The following PDZK1 variants were observed in gnomAD, a reference collection of about 807,000 sequenced individuals.
PDZK1 encodes the protein PDZ domain containing 1, also known as Na(+)/H(+) exchange regulatory cofactor NHE-RF3.
Under a neutral mutation model 38.1 loss-of-function variants are expected in PDZK1, and 23 were observed. The ratio of observed to expected loss-of-function variants is 0.60; its 90% CI spans 0.43 to 0.85. The LOEUF (loss-of-function observed/expected upper bound fraction) is 0.85. Among genes scored for constraint, PDZK1 ranks in the 40% least tolerant of loss-of-function variants. The pLI, the probability that PDZK1 is intolerant of heterozygous loss-of-function variation, is 0.00. For missense variants in PDZK1, 297 were observed against 504.3 expected (o/e 0.59, Z 3.94); for synonymous variants, 98 against 186.2 (o/e 0.53, Z 3.86).
chr1:145,687,101 A>C (rs1201420758), intron 2 of PDZK1, among the ~76,000 whole-genome samples: 2 of 151,798 alleles, frequency 1.3e-5, no homozygotes, highest in African/African-American at 2.4e-5. Flanking sequence ...GTAAGGCCAG[A>C]CTCTCCCATA....
At chr1:145,691,441 G>A (rs1305697025) in intron 1 of PDZK1, among the ~76,000 whole-genome samples, 2 of 152,112 alleles carry the variant, frequency 1.3e-5, no homozygotes, top group Non-Finnish European at 2.9e-5. Flanking sequence ...CTGGAACACA[G>A]GGCCTAATTA....
chr1:145,676,976 C>G (rs1364034516), intron 6 of PDZK1, among the ~76,000 whole-genome samples: 1 of 152,060 alleles, frequency 6.6e-6, no homozygotes, highest in African/African-American at 2.4e-5. Flanking sequence ...CCAATTCAAC[C>G]CTCATAGCCA....
At chr1:145,682,727 G>A (rs1344858349) in intron 3 of PDZK1, 91 bp from the exon 4 acceptor site, 3 of 1,377,362 alleles carry the variant, frequency 2.2e-6, no homozygotes, top group Middle Eastern at 2.5e-4. Context: ...ATTAGCCCCA[G>A]TCCTGTGATT....
chr1:145,686,491 A>C lies in PDZK1; in HGVS notation c.446T>G (p.Leu149Arg), dbSNP rs1553701737. ...VKEGGSYGFS[L>R]KTVQGKKGVY... The stretch of plus-strand genomic sequence containing the variant: ...AAAATTCTCACCTTGGACAGTTTTC[A>C]GAGAGAAGCCATAGCTGCCTCCTTC... Residue 149 changes from leucine (L) to arginine (R), a missense_variant, in exon 3 of 9, where the codon CTG becomes CGG. Around this residue, in one of 5 missense-constraint regions of PDZK1, gnomAD observed 159 missense variants for 200.0 expected, o/e 0.79. Transcript: ENST00000417171. The C allele has an allele frequency of 1.2e-6, 2 of 1,612,040 alleles. No homozygotes were observed. Among genetic ancestry groups the C allele is most frequent in the Non-Finnish European group, 1.7e-6 (2 of 1,179,850 alleles).
chr1:145,677,505 T>C (rs1298202758), intron 6 of PDZK1, among the ~76,000 whole-genome samples: 1 of 150,782 alleles, frequency 6.6e-6, no homozygotes, highest in African/African-American at 2.5e-5. Context: ...CTAGGTATGA[T>C]TGTTCAAGTA....
chr1:145,685,361 C>A (rs1553701419), intron 3 of PDZK1, among the ~76,000 whole-genome samples: 1 of 152,218 alleles, frequency 6.6e-6, no homozygotes, highest in Admixed American at 6.5e-5. Flanking sequence ...ATATATTTGT[C>A]ATGAAGAGAC....
At chr1:145,673,998 G>GGCTGTACAGCCT in intron 6 of PDZK1, 117 bp from the exon 7 acceptor site, 1 of 953,452 alleles carries the variant, frequency 1.0e-6, no homozygotes, top group Non-Finnish European at 1.5e-6. Flanking sequence ...TTCTGGATGT[G>GGCTGTACAGCCT]TCTGATTGTA....
Position 145,671,664 on chromosome 1 carries a change from T to A in PDZK1, c.1507-175A>T, listed in dbSNP as rs1653061823. The A allele has an allele frequency of 5.4e-6, 3 of 555,398 alleles. No homozygotes were observed. In the South Asian group the frequency reaches 6.3e-5, roughly 12 times the overall value. 34.4% of individuals were successfully genotyped at this position (555,398 alleles called of 1,614,324 possible). A position where few individuals can be genotyped will look rare whatever the true frequency, so the allele number is the denominator to read the frequency against. ...GCTGATAAATCAAGTAAAAAGTTTA[T>A]CAGTATTGTAATGGGAACCCCCAGA... On this transcript the variant is annotated intron_variant, in intron 8 of 8. Transcript: ENST00000417171.
chr1:145,673,250 T>G (rs1464844163), intron 7 of PDZK1, among the ~76,000 whole-genome samples: 1 of 152,226 alleles, frequency 6.6e-6, no homozygotes, highest in Admixed American at 6.5e-5. Flanking sequence ...CAGCATCATA[T>G]GTCTTCTGGG....
At chr1:145,675,256 A>G (rs1342314835) in intron 6 of PDZK1, among the ~76,000 whole-genome samples, 3 of 147,280 alleles carry the variant, frequency 2.0e-5, no homozygotes, top group East Asian at 3.9e-4. Context: ...AGTTGAGACA[A>G]TTAGAAGGGT....
chr1:145,701,563 G>C (rs587746595), intron 1 of PDZK1, among the ~76,000 whole-genome samples: 3 of 152,254 alleles, frequency 2.0e-5, no homozygotes, highest in Admixed American at 6.5e-5. Context: ...CTAGACTTTT[G>C]TTAGGAAAAT....
chr1:145,701,073 C>T (rs1276103774), intron 1 of PDZK1, among the ~76,000 whole-genome samples: 3 of 151,860 alleles, frequency 2.0e-5, no homozygotes, highest in Admixed American at 6.6e-5. Context: ...GGTGTGGTGG[C>T]ACACGCCTGT....
At chr1:145,699,496 G>A (rs1358833014) in intron 1 of PDZK1, among the ~76,000 whole-genome samples, 1 of 152,126 alleles carries the variant, frequency 6.6e-6, no homozygotes, top group Non-Finnish European at 1.5e-5. Flanking sequence ...CAGACTGTGG[G>A]GCCAACATGA....
chr1:145,688,042 A>G lies in PDZK1; in HGVS notation c.-2-19T>C. On this transcript the variant is annotated intron_variant, in intron 1 of 8. Transcript: ENST00000417171. ...GTCATTTCTGTGATGAAAAAAATAA[A>G]TTAATAAAACCATGGAAAAGAGAAT... The G allele has an allele frequency of 1.3e-6, 2 of 1,590,864 alleles. No individual in the cohort carries two copies. Among genetic ancestry groups the G allele is most frequent in the Non-Finnish European group, 1.7e-6 (2 of 1,159,152 alleles).
At chr1:145,683,781 A>G (rs1396441518) in intron 3 of PDZK1, among the ~76,000 whole-genome samples, 1 of 152,022 alleles carries the variant, frequency 6.6e-6, no homozygotes, top group African/African-American at 2.4e-5. Context: ...CAACCTCAGC[A>G]TACAGTATTT....
chr1:145,696,248 C>T (rs978880813), intron 1 of PDZK1, among the ~76,000 whole-genome samples: 7 of 152,184 alleles, frequency 4.6e-5, no homozygotes, highest in African/African-American at 1.4e-4. Flanking sequence ...CCTGCTTCTC[C>T]GCAAGGGCCA....
In PDZK1 at chr1:145,671,439, C is replaced by T. The variant is rs1265781632; in HGVS notation, c.1557G>A (p.Met519Ile). Residue 519 changes from methionine (M) to isoleucine (I), a missense_variant, in exon 9 of 9, where the codon ATG becomes ATA. Transcript: ENST00000417171. ...HSSSNSEDTE[M>I] is the part of the protein sequence containing the mutation. ...CCAAAGCTATTACTTGTTTTCATCA[C>T]ATCTCTGTATCTTCAGAATTGGAAG... 1.9e-6 allele frequency: 3 copies of T among 1,570,144 alleles called. No homozygotes were observed. The highest frequency in any genetic ancestry group is 2.6e-6 in the Non-Finnish European group (3 of 1,146,980).
chr1:145,695,200 C>T (rs1655558538), intron 1 of PDZK1, among the ~76,000 whole-genome samples: 1 of 151,892 alleles, frequency 6.6e-6, no homozygotes, highest in African/African-American at 2.4e-5. Flanking sequence ...GTGGGCAGAT[C>T]ACTTGAGGTC....
chr1:145,676,142 A>G lies in PDZK1; in HGVS notation c.991-2261T>C, dbSNP rs1478419904. 3.1e-6 allele frequency: 3 copies of G among 979,758 alleles called. No homozygotes were observed. The African/African-American group carries it at 5.3e-5, about 17-fold the overall frequency. The allele number at this position is 979,758 out of a possible 1,614,324, so 60.7% of individuals were successfully genotyped here. ...ATCTCAAAGATCTACCCTCCACCCC[A>G]ACCTACAGGGCTTACTTTGGAGAGC... On this transcript the variant is annotated intron_variant, in intron 6 of 8. Transcript: ENST00000417171.
Sources: allele counts gnomAD v4.1 joint callset (sites outside exome capture counted in the v4.1 genomes callset), GRCh38; gene constraint gnomAD v4.1.1; regional missense constraint gnomAD v4.1.1; transcripts MANE v1.5; gene names NCBI Gene and HGNC (gene_info 2026-07-23, HGNC 2026-07-21).